Variants in ADAMTS20 observed in about 807,000 individuals in gnomAD.
ADAMTS20 encodes A disintegrin and metalloproteinase with thrombospondin motifs 20.
In ADAMTS20, 225 loss-of-function variants were observed where a neutral mutation model predicts 260.1. The observed-to-expected ratio is 0.87, with a 90% CI of 0.78 to 0.97. ADAMTS20 has a LOEUF of 0.97. ADAMTS20 is among the 50% of genes least tolerant of loss of function. The probability of loss-of-function intolerance (pLI) is 0.00; values close to 1 mark genes in which losing one functional copy is unlikely to be tolerated. For synonymous variants in ADAMTS20, 802 were observed against 769.5 expected (o/e 1.04, Z -0.70); for missense variants, 2,400 against 2,337.7 (o/e 1.03, Z -0.55).
At position 43,453,956 on chromosome 12, in the gene ADAMTS20, T is replaced by C. The variant is rs756372253; in HGVS notation, c.1711A>G (p.Thr571Ala). The C allele has an allele frequency of 1.9e-6, 3 of 1,612,910 alleles. No individual in the cohort carries two copies. The highest frequency in any genetic ancestry group is 1.6e-4 in the Middle Eastern group (1 of 6,062). ...GCACTTTCGATTCCGCCTCCACATG[T>C]TCTTGAACAAGAACTGTAAGGTTCC... ...PWEPYSSCSR[T>A]CGGGIESATR... The change falls in exon 12 of 39, where the codon ACA becomes GCA. Residue 571 changes from threonine (T) to alanine (A), a missense_variant. Transcript: ENST00000389420.
intron 14 of ADAMTS20, among the ~76,000 whole-genome samples, chr12:43,447,301 A>G (rs888524571): frequency 2.6e-5 from 4 of 152,222 alleles, no homozygotes; most frequent in Admixed American, 6.5e-5. Context: ...ACCGCAATCA[A>G]GTAGACTTCA....
intron 36 of ADAMTS20, among the ~76,000 whole-genome samples, chr12:43,373,930 C>T (rs924427137): frequency 1.3e-5 from 2 of 151,862 alleles, no homozygotes; most frequent in East Asian, 1.9e-4. Flanking sequence ...CCGCCCGCCT[C>T]GGCCTCCCAA....
Position 43,376,166 on chromosome 12 carries a change from A to G in ADAMTS20, c.5221-18T>C. 6.4e-7 allele frequency: 1 copy of G among 1,573,156 alleles called. No individual in the cohort carries two copies. Among genetic ancestry groups the G allele is most frequent in the Non-Finnish European group, 8.6e-7 (1 of 1,161,478 alleles). On this transcript the variant is annotated intron_variant, in intron 34 of 38. Transcript: ENST00000389420. The stretch of plus-strand genomic sequence containing the variant: ...CAATAAATCTAAAGAAAAAATGTAA[A>G]CATCTAGAAAAACTTTTTCCAAAGT...
At chr12:43,364,569 G>A (rs995427809) in intron 37 of ADAMTS20, among the ~76,000 whole-genome samples, 1 of 152,050 alleles carries the variant, frequency 6.6e-6, no homozygotes, top group African/African-American at 2.4e-5. Context: ...AAGATGAAAA[G>A]TACAATAATC....
chr12:43,384,719 T>G (rs1053534067), intron 29 of ADAMTS20, among the ~76,000 whole-genome samples: 9 of 152,180 alleles, frequency 5.9e-5, no homozygotes, highest in African/African-American at 2.2e-4. Context: ...GGTTTTCTGT[T>G]CCTGTGTTAG....
Position 43,375,172 on chromosome 12 carries a change from C to CAAAAAAAAAAAAAAAAAAAAAA in ADAMTS20, c.5446+185_5446+206dup, listed in dbSNP as rs58169338. ...GGGCAGTAAGAGTGCAACTGCGTCT[C>CAAAAAAAAAAAAAAAAAAAAAA]AAAAAAAAAAAAAAAAAAAAAAAAG... is the stretch of plus-strand genomic sequence containing the variant. On this transcript the variant is annotated intron_variant, in intron 36 of 38. Coordinates refer to ENST00000389420, the MANE Select transcript of ADAMTS20 (RefSeq NM_025003.5). 3.2e-5 allele frequency among the ~76,000 whole-genome samples: 2 copies of CAAAAAAAAAAAAAAAAAAAAAA among 62,312 alleles called. 1 individual carries two copies. Among genetic ancestry groups the CAAAAAAAAAAAAAAAAAAAAAA allele is most frequent in the Non-Finnish European group, 5.6e-5 (2 of 35,666 alleles). 40.9% of individuals were successfully genotyped at this position (62,312 alleles called of 152,430 possible). A position where few individuals can be genotyped will look rare whatever the true frequency, so the allele number is the denominator to read the frequency against.
At chr12:43,532,294 G>T in intron 2 of ADAMTS20, 99 bp from the exon 3 acceptor site, 1 of 1,055,006 alleles carries the variant, frequency 9.5e-7, no homozygotes, top group Non-Finnish European at 1.3e-6. Flanking sequence ...AAGCAAAACA[G>T]CAAGGAGTCT....
intron 7 of ADAMTS20, among the ~76,000 whole-genome samples, chr12:43,481,173 G>GA (rs1942436201): frequency 6.6e-6 from 1 of 152,112 alleles, no homozygotes; most frequent in Admixed American, 6.5e-5. Flanking sequence ...TTTTGTGTGT[G>GA]AAAAATCAGA....
At chr12:43,501,481 G>GCGCGCGCGCACACACACACACACACACA (rs373746834) in intron 4 of ADAMTS20, among the ~76,000 whole-genome samples, 9 of 117,806 alleles carry the variant, frequency 7.6e-5, no homozygotes, top group Admixed American at 2.5e-4. Context: ...GCGCGCGCGC[G>GCGCGCGCGCACACACACACACACACACA]CACACACACA....
At chr12:43,493,365 C>A (rs1321037760) in intron 4 of ADAMTS20, 112 bp from the exon 5 acceptor site, 1 of 715,028 alleles carries the variant, frequency 1.4e-6, no homozygotes, top group Non-Finnish European at 2.3e-6. Context: ...ACGTAGGAAT[C>A]TTGGAATCTC....
chr12:43,358,025 G>A (rs1470185243), intron 37 of ADAMTS20, among the ~76,000 whole-genome samples: 1 of 152,164 alleles, frequency 6.6e-6, no homozygotes, highest in East Asian at 1.9e-4. Context: ...TTCCTTCTCA[G>A]ATAGGTTTTT....
intron 2 of ADAMTS20, among the ~76,000 whole-genome samples, chr12:43,541,336 T>C (rs1033957807): frequency 5.3e-5 from 8 of 152,218 alleles, no homozygotes; most frequent in African/African-American, 1.7e-4. Context: ...AGTTCCATTG[T>C]CTGTAAAACA....
rs189770632 is a variant in ADAMTS20 at position 43,383,109 on chromosome 12, G to T, written c.4797+449C>A. Among the ~76,000 whole-genome samples the T allele has an allele frequency of 1.8e-4, 28 of 152,178 alleles. No homozygotes were observed. The East Asian group carries it at 3.7e-3, about 20-fold the overall frequency. On this transcript the variant is annotated intron_variant, in intron 31 of 38. Coordinates refer to ENST00000389420, the MANE Select transcript of ADAMTS20 (RefSeq NM_025003.5). ...ATTGGGTGAGGAGGGAAAAGAGAGG[G>T]GGGAAAGAGATTATAAAGCAGCACA... is the stretch of plus-strand genomic sequence containing the variant.
intron 7 of ADAMTS20, among the ~76,000 whole-genome samples, chr12:43,480,517 T>C (rs995569070): frequency 6.6e-5 from 10 of 152,184 alleles, no homozygotes; most frequent in Admixed American, 5.2e-4. Context: ...CTATTTTCCA[T>C]AATGGCTGTA....
At chr12:43,454,917 A>G (rs1422230744) in intron 11 of ADAMTS20, among the ~76,000 whole-genome samples, 1 of 152,218 alleles carries the variant, frequency 6.6e-6, no homozygotes, top group East Asian at 1.9e-4. Flanking sequence ...TGCATAACAT[A>G]AAATTTACCA....
intron 7 of ADAMTS20, among the ~76,000 whole-genome samples, chr12:43,488,426 A>G (rs913799245): frequency 6.6e-6 from 1 of 152,144 alleles, no homozygotes; most frequent in Non-Finnish European, 1.5e-5. Context: ...AACTTCTTTG[A>G]TAGAATTTCC....
At chr12:43,545,328 T>A (rs546499148) in intron 2 of ADAMTS20, among the ~76,000 whole-genome samples, 1 of 152,270 alleles carries the variant, frequency 6.6e-6, no homozygotes, top group South Asian at 2.1e-4. Context: ...TTCAGGACCT[T>A]AACAATCTGA....
chr12:43,469,323 G>T (rs371788935), intron 7 of ADAMTS20, among the ~76,000 whole-genome samples: 5 of 152,060 alleles, frequency 3.3e-5, no homozygotes, highest in Admixed American at 2.0e-4. Context: ...TGCAAATCAG[G>T]ATATATTTAG....
At chr12:43,494,858 T>G (rs2137434581) in intron 4 of ADAMTS20, among the ~76,000 whole-genome samples, 1 of 152,322 alleles carries the variant, frequency 6.6e-6, no homozygotes, top group African/African-American at 2.4e-5. Context: ...AGTGGATGCT[T>G]TTCTAAGTCA....
Sources: gnomAD v4.1 joint callset for allele counts (sites outside exome capture counted in the v4.1 genomes callset) on GRCh38, gnomAD v4.1.1 for gene constraint, MANE v1.5 for transcripts, NCBI Gene and HGNC (gene_info 2026-07-23, HGNC 2026-07-21) for gene names.